ACO2: variants seen among roughly 807,000 people sequenced by gnomAD.
ACO2 encodes aconitate hydratase, mitochondrial.
A neutral mutation model predicts 84.5 loss-of-function variants in ACO2; 31 were observed. That is an observed-to-expected ratio of 0.37 (90% confidence interval 0.28 to 0.50). The LOEUF is 0.50. Among genes scored for constraint, ACO2 ranks in the 20% least tolerant of loss-of-function variants. The pLI is 0.97. For missense variants in ACO2, 685 were observed against 1,029.3 expected (o/e 0.67, Z 4.58); for synonymous variants, 414 against 412.7 (o/e 1.00, Z -0.04).
intron 9 of ACO2, among the ~76,000 whole-genome samples, chr22:41,522,346 A>G (rs1448241314): frequency 1.3e-5 from 2 of 152,206 alleles, no homozygotes; most frequent in Admixed American, 6.5e-5. Flanking sequence ...CTCAACAACA[A>G]CAAAAAGAGA....
chr22:41,524,339 C>A (rs2066557298), intron 12 of ACO2, among the ~76,000 whole-genome samples: 1 of 152,226 alleles, frequency 6.6e-6, no homozygotes, highest in African/African-American at 2.4e-5. Flanking sequence ...AAAAGCGAGG[C>A]CTTTGCCATT....
At chr22:41,482,363 T>C (rs78851025) in intron 1 of ACO2, among the ~76,000 whole-genome samples, 2,751 of 152,350 alleles carry the variant, frequency 0.018, 35 homozygotes, top group Non-Finnish European at 0.031. Context: ...TTCCCAGCTG[T>C]TTGACCTTAG....
At chr22:41,502,753 C>T (rs2066362417) in intron 2 of ACO2, among the ~76,000 whole-genome samples, 1 of 152,214 alleles carries the variant, frequency 6.6e-6, no homozygotes. Flanking sequence ...GGATTACAGG[C>T]GTGCATCACC....
chr22:41,528,447 C>T, intron 17 of ACO2, 32 bp from the exon 18 acceptor site: 2 of 1,609,006 alleles, frequency 1.2e-6, no homozygotes, highest in Non-Finnish European at 1.7e-6. Context: ...CAGTACCCAC[C>T]ACTTCCACCC....
At chr22:41,476,216 T>C (rs2038011537) in intron 1 of ACO2, among the ~76,000 whole-genome samples, 1 of 151,910 alleles carries the variant, frequency 6.6e-6, no homozygotes, top group African/African-American at 2.4e-5. Context: ...AAGACCAGCC[T>C]GACCAACATG....
Position 41,515,224 on chromosome 22 carries a change from CCTGGAGACGGCCTGGAT to C in ACO2, c.526-152_526-136del, listed in dbSNP as rs1428817523. On this transcript the variant is annotated intron_variant, in intron 4 of 17. Coordinates refer to ENST00000216254, the MANE Select transcript of ACO2 (RefSeq NM_001098.3). The surrounding 1 kb of genome is among the most constrained non-coding windows in gnomAD (Gnocchi z 5.8). The stretch of plus-strand genomic sequence containing the variant: ...CAAGGCTCTGGCTCTTCTTGGCCAC[CCTGGAGACGGCCTGGAT>C]TAAATGGGGCTGCTCCTACCAGTTC... Among the ~76,000 whole-genome samples the C allele has an allele frequency of 6.6e-6, 1 of 152,214 alleles. No homozygotes were observed. Among genetic ancestry groups the C allele is most frequent in the Non-Finnish European group, 1.5e-5 (1 of 68,040 alleles).
chr22:41,527,145 G>A, intron 15 of ACO2, 143 bp from the exon 16 acceptor site: 1 of 1,249,270 alleles, frequency 8.0e-7, no homozygotes, highest in Non-Finnish European at 1.1e-6. Context: ...TTAGGCAGCA[G>A]GCGAGGAAGG....
intron 1 of ACO2, among the ~76,000 whole-genome samples, chr22:41,473,911 A>G (rs2037975992): frequency 6.6e-6 from 1 of 152,184 alleles, no homozygotes; most frequent in Non-Finnish European, 1.5e-5. Context: ...AGGTCTGAAC[A>G]AGAGGCTGGG....
chr22:41,484,292 T>G (rs999675814), intron 1 of ACO2, among the ~76,000 whole-genome samples: 5 of 152,142 alleles, frequency 3.3e-5, no homozygotes, highest in African/African-American at 1.2e-4. Flanking sequence ...GTACAATGGA[T>G]TCCATGGTAC....
At chr22:41,526,115 C>A in intron 14 of ACO2, 147 bp from the exon 15 acceptor site, 1 of 667,576 alleles carries the variant, frequency 1.5e-6, no homozygotes. Flanking sequence ...ACCAGGACCA[C>A]AGAACACGTG....
At chr22:41,491,608 A>G (rs1435487901) in intron 1 of ACO2, among the ~76,000 whole-genome samples, 1 of 152,180 alleles carries the variant, frequency 6.6e-6, no homozygotes, top group East Asian at 1.9e-4. Context: ...AAGAAGAGGC[A>G]TGCTGTTTCT....
Position 41,528,623 on chromosome 22 carries a change from C to G in ACO2, c.*10C>G. On this transcript the variant is annotated 3_prime_UTR_variant, in exon 18 of 18. Transcript: ENST00000216254. ...GGAACTGCAACAGTGAGGGCAGTGCCTCCCCGCCCCGCCGCTGGCGTCAAG... is the reference window on the plus strand; with the variant it reads ...GGAACTGCAACAGTGAGGGCAGTGCGTCCCCGCCCCGCCGCTGGCGTCAAG... The G allele has an allele frequency of 3.9e-6, 6 of 1,543,420 alleles. No individual in the cohort carries two copies. The highest frequency in any genetic ancestry group is 5.2e-6 in the Non-Finnish European group (6 of 1,148,848).
chr22:41,487,761 G>T lies in ACO2; in HGVS notation c.37-11965G>T, dbSNP rs368710384. 7.2e-5 allele frequency among the ~76,000 whole-genome samples: 11 copies of T among 152,040 alleles called. No homozygotes were observed. In the South Asian group the frequency reaches 1.7e-3, roughly 23 times the overall value. On this transcript the variant is annotated intron_variant, in intron 1 of 17. Coordinates refer to ENST00000216254, the MANE Select transcript of ACO2 (RefSeq NM_001098.3). ...GGATGAGAATCCACCTGCCTGCTTG[G>T]CCTCTCCACTTGGGTATCAGATAGT...
At chr22:41,523,329 G>A (rs1167072342) in intron 11 of ACO2, 51 bp downstream of exon 11, 1 of 1,421,674 alleles carries the variant, frequency 7.0e-7, no homozygotes, top group Non-Finnish European at 9.6e-7. Flanking sequence ...AGGGTACAGA[G>A]CCCCAGAAGT....
chr22:41,510,249 C>T (rs1006172653), intron 3 of ACO2, among the ~76,000 whole-genome samples: 10 of 152,142 alleles, frequency 6.6e-5, no homozygotes, highest in African/African-American at 1.9e-4. Flanking sequence ...GAGTCCAGGC[C>T]GAGACTCTGG....
At chr22:41,491,509 A>G (rs1443663430) in intron 1 of ACO2, among the ~76,000 whole-genome samples, 1 of 152,240 alleles carries the variant, frequency 6.6e-6, no homozygotes, top group Non-Finnish European at 1.5e-5. Flanking sequence ...GAAGGGGGTC[A>G]GGAATGCCAA....
chr22:41,526,141 G>T, intron 14 of ACO2, 121 bp from the exon 15 acceptor site: 2 of 812,918 alleles, frequency 2.5e-6, no homozygotes. Context: ...AGACTTGCCT[G>T]CCTCTCACCC....
rs183132094 is a variant in ACO2, at chr22:41,515,323, T to G, written c.526-54T>G. 272 of 1,609,232 alleles carry G rather than the reference T, an allele frequency of 1.7e-4. 3 individuals are homozygous for G. In the Admixed American group the frequency reaches 4.2e-3, roughly 25 times the overall value. On this transcript the variant is annotated intron_variant, in intron 4 of 17. Transcript: ENST00000216254. The surrounding 1 kb of genome is among the most constrained non-coding windows in gnomAD (Gnocchi z 5.8). ...AGGCCCCGGGTCAGTGGGGCCATTT[T>G]TTGGTATTCTCGGCTGAGGGCTTCT...
At chr22:41,503,275 A>C in intron 2 of ACO2, among the ~76,000 whole-genome samples, 1 of 151,988 alleles carries the variant, frequency 6.6e-6, no homozygotes, top group Middle Eastern at 3.4e-3. Flanking sequence ...TTTTTTTTAA[A>C]GTCCAATAAC....
Sources: gnomAD v4.1 joint callset for allele counts (sites outside exome capture counted in the v4.1 genomes callset) on GRCh38, gnomAD v4.1.1 for gene constraint, Gnocchi (gnomAD v3.1) non-coding constraint, MANE v1.5 for transcripts, NCBI Gene and HGNC (gene_info 2026-07-23, HGNC 2026-07-21) for gene names.